Variants in CGGBP1 observed in about 807,000 individuals in gnomAD.
CGGBP1 encodes the protein CGG triplet repeat binding protein 1.
Under a neutral mutation model 11.4 loss-of-function variants are expected in CGGBP1, and 4 were observed. The observed-to-expected ratio is 0.35, with a 90% CI of 0.17 to 0.80. The LOEUF is 0.80. Among genes scored for constraint, CGGBP1 ranks in the 30% least tolerant of loss-of-function variants. CGGBP1 has a pLI of 0.52. For synonymous variants in CGGBP1, 76 were observed against 74.1 expected (o/e 1.03, Z -0.13); for missense variants, 135 against 202.1 (o/e 0.67, Z 2.01).
intron 2 of CGGBP1, among the ~76,000 whole-genome samples, chr3:88,088,756 GTATGT>G (rs1369970716): frequency 8.0e-4 from 115 of 143,790 alleles, no homozygotes; most frequent in Non-Finnish European, 1.3e-3. Flanking sequence ...ATGTATGTAT[GTATGT>G]ATGGATGGAT....
intron 2 of CGGBP1, among the ~76,000 whole-genome samples, chr3:88,137,586 T>C (rs1333175955): frequency 6.6e-6 from 1 of 152,118 alleles, no homozygotes; most frequent in Non-Finnish European, 1.5e-5. Flanking sequence ...AATTGAAATG[T>C]TTTTAAAGAT....
At chr3:88,073,400 G>C (rs1707624976) in intron 2 of CGGBP1, among the ~76,000 whole-genome samples, 2 of 152,150 alleles carry the variant, frequency 1.3e-5, no homozygotes, top group South Asian at 4.1e-4. Flanking sequence ...TAAAGGCAAA[G>C]TCATGCCATT....
intron 2 of CGGBP1, among the ~76,000 whole-genome samples, chr3:88,137,165 A>G (rs1479250968): frequency 1.6e-5 from 2 of 127,008 alleles, no homozygotes; most frequent in Non-Finnish European, 3.2e-5. Flanking sequence ...ATTCTACTCC[A>G]GCCTGGGTGA....
chr3:88,130,117 G>A (rs1270652131), intron 2 of CGGBP1, among the ~76,000 whole-genome samples: 1 of 152,146 alleles, frequency 6.6e-6, no homozygotes, highest in Non-Finnish European at 1.5e-5. Flanking sequence ...AAAGTTGCTA[G>A]TAGAATATAT....
At chr3:88,141,625 A>G in intron 1 of CGGBP1, 1 of 1,476,938 alleles carries the variant, frequency 6.8e-7, no homozygotes, top group Admixed American at 2.0e-5. Context: ...TTGCATTAAC[A>G]GATGTGTTCT....
intron 2 of CGGBP1, among the ~76,000 whole-genome samples, chr3:88,077,631 G>A (rs1488534823): frequency 6.6e-6 from 1 of 152,142 alleles, no homozygotes; most frequent in African/African-American, 2.4e-5. Flanking sequence ...TACTGCTTCT[G>A]AGATAGGGAA....
At chr3:88,056,964 G>A (rs1706560418) in intron 3 of CGGBP1, 1 of 152,076 alleles carries the variant, frequency 6.6e-6, no homozygotes, top group South Asian at 2.1e-4. Context: ...TTTACATAAT[G>A]AACATATTTT....
intron 2 of CGGBP1, among the ~76,000 whole-genome samples, chr3:88,118,249 A>G (rs1705533420): frequency 6.6e-6 from 1 of 152,106 alleles, no homozygotes; most frequent in African/African-American, 2.4e-5. Context: ...CCTGAGACAC[A>G]ACCTGTTTTT....
intron 2 of CGGBP1, among the ~76,000 whole-genome samples, chr3:88,120,544 T>C (rs1319747855): frequency 2.6e-5 from 4 of 151,862 alleles, no homozygotes; most frequent in Non-Finnish European, 4.4e-5. Context: ...GTGAAGAAAA[T>C]TGACATGATA....
intron 2 of CGGBP1, among the ~76,000 whole-genome samples, chr3:88,130,381 CAATTA>C (rs1243680066): frequency 2.0e-5 from 3 of 152,030 alleles, no homozygotes; most frequent in Admixed American, 6.6e-5. Flanking sequence ...TTTAAATTCT[CAATTA>C]AATTAATAGC....
rs1706944431 is a variant in CGGBP1 at position 88,138,585 on chromosome 3, G to A, written c.-229+2385C>T. On this transcript the variant is annotated intron_variant, in intron 2 of 3. Transcript: ENST00000462901. ...CAAGGCTACTAAATATGGAAAATTG[G>A]ACATTGGAATACTATGTTTATTCAG... is the stretch of plus-strand genomic sequence containing the variant. 5 of 520,896 alleles carry A rather than the reference G, an allele frequency of 9.6e-6. No individual in the cohort carries two copies. The Admixed American group carries it at 2.2e-4, about 23-fold the overall frequency. 32.3% of individuals were successfully genotyped at this position (520,896 alleles called of 1,614,324 possible).
chr3:88,132,533 A>G (rs780243993), intron 2 of CGGBP1, among the ~76,000 whole-genome samples: 5 of 152,194 alleles, frequency 3.3e-5, no homozygotes, highest in Non-Finnish European at 7.3e-5. Flanking sequence ...CCACTGTACA[A>G]CTAAAACCTC....
intron 2 of CGGBP1, among the ~76,000 whole-genome samples, chr3:88,108,498 A>T (rs575968589): frequency 1.3e-5 from 2 of 152,304 alleles, no homozygotes; most frequent in African/African-American, 4.8e-5. Context: ...ATGGTCCAAA[A>T]ATGTTAAATA....
intron 2 of CGGBP1, among the ~76,000 whole-genome samples, chr3:88,091,249 GGA>G (rs1406913807): frequency 1.1e-4 from 16 of 152,072 alleles, no homozygotes; most frequent in Non-Finnish European, 1.5e-4. Context: ...CAGAAGTGTT[GGA>G]GAGAGGAGCA....
At chr3:88,089,423 G>A (rs1203492953) in intron 2 of CGGBP1, among the ~76,000 whole-genome samples, 5 of 151,908 alleles carry the variant, frequency 3.3e-5, no homozygotes, top group South Asian at 2.1e-4. Context: ...CCCAGGAGGC[G>A]GAGGTTGCAG....
intron 2 of CGGBP1, among the ~76,000 whole-genome samples, chr3:88,081,035 C>G (rs1162774047): frequency 2.0e-5 from 3 of 152,106 alleles, no homozygotes; most frequent in East Asian, 1.9e-4. Flanking sequence ...GTAACAGTTC[C>G]TCAGCCTTTC....
At chr3:88,116,430 G>C (rs1576311053) in intron 2 of CGGBP1, among the ~76,000 whole-genome samples, 1 of 151,974 alleles carries the variant, frequency 6.6e-6, no homozygotes, top group South Asian at 2.1e-4. Flanking sequence ...TGAGGCAGGA[G>C]AATCGCTTGA....
intron 2 of CGGBP1, chr3:88,140,939 A>T (rs751238536): frequency 1.2e-6 from 2 of 1,613,612 alleles, no homozygotes; most frequent in Non-Finnish European, 1.7e-6. Flanking sequence ...CAGTGAAAAG[A>T]TTAAGATGTG....
intron 2 of CGGBP1, chr3:88,139,167 G>T: frequency 7.4e-7 from 1 of 1,352,624 alleles, no homozygotes; most frequent in Non-Finnish European, 9.5e-7. Context: ...TGAAGGGTTT[G>T]ACTCTCTTAC....
Sources: allele counts gnomAD v4.1 joint callset (sites outside exome capture counted in the v4.1 genomes callset), GRCh38; gene constraint gnomAD v4.1.1; transcripts MANE v1.5; gene names NCBI Gene and HGNC (gene_info 2026-07-23, HGNC 2026-07-21).